MEGF11: variants seen among roughly 807,000 people sequenced by gnomAD.
MEGF11 encodes multiple EGF like domains 11.
A neutral mutation model predicts 146.6 loss-of-function variants in MEGF11; 126 were observed. That is an observed-to-expected ratio of 0.86 (90% CI 0.74 to 1.00). The LOEUF (loss-of-function observed/expected upper bound fraction) is 1.00, where lower values mean the gene tolerates loss of function less well. MEGF11 is among the 50% of genes least tolerant of loss of function. MEGF11 has a pLI of 0.00. For synonymous variants in MEGF11, 532 were observed against 583.4 expected (o/e 0.91, Z 1.27); for missense variants, 1,509 against 1,521.2 (o/e 0.99, Z 0.13).
At chr15:65,992,094 G>T (rs2082061493) in intron 5 of MEGF11, among the ~76,000 whole-genome samples, 1 of 152,226 alleles carries the variant, frequency 6.6e-6, no homozygotes, top group Non-Finnish European at 1.5e-5. Flanking sequence ...CAGCAGGGCA[G>T]GAGGGGGAAC....
At chr15:66,089,264 C>A (rs542464359) in intron 5 of MEGF11, among the ~76,000 whole-genome samples, 10 of 152,216 alleles carry the variant, frequency 6.6e-5, no homozygotes, top group African/African-American at 1.9e-4. Flanking sequence ...ACTCAGGCCT[C>A]TCTGTAGTCC....
chr15:66,086,267 C>T (rs1251949260), intron 5 of MEGF11, among the ~76,000 whole-genome samples: 1 of 152,144 alleles, frequency 6.6e-6, no homozygotes, highest in Non-Finnish European at 1.5e-5. Context: ...ACTTCCCTGG[C>T]CTTGTGAGAG....
intron 5 of MEGF11, among the ~76,000 whole-genome samples, chr15:66,071,572 C>G (rs1011373372): frequency 6.6e-6 from 1 of 152,190 alleles, no homozygotes; most frequent in African/African-American, 2.4e-5. Context: ...GTGCTCTCCC[C>G]AGAAAGGCCC....
intron 5 of MEGF11, among the ~76,000 whole-genome samples, chr15:66,058,232 G>A (rs755766673): frequency 1.3e-5 from 2 of 152,192 alleles, no homozygotes; most frequent in South Asian, 2.1e-4. Flanking sequence ...CCATATAACA[G>A]GGCAACGGCA....
intron 10 of MEGF11, among the ~76,000 whole-genome samples, chr15:65,956,043 C>A (rs1043097975): frequency 1.2e-4 from 18 of 152,112 alleles, no homozygotes; most frequent in Non-Finnish European, 1.5e-4. Context: ...CTCGCTTGAT[C>A]TACAAGAATT....
chr15:65,898,328 G>C (rs1239169908), intron 25 of MEGF11: 1 of 985,274 alleles, frequency 1.0e-6, no homozygotes, highest in African/African-American at 1.7e-5. Context: ...CTAGAGGTAG[G>C]AGTCTTACCA....
chr15:66,106,520 G>A (rs1271359444), intron 4 of MEGF11, among the ~76,000 whole-genome samples: 2 of 152,118 alleles, frequency 1.3e-5, no homozygotes, highest in Non-Finnish European at 2.9e-5. Context: ...TTCCCAATGA[G>A]GCCACAAGGA....
intron 5 of MEGF11, among the ~76,000 whole-genome samples, chr15:66,075,898 G>A (rs1259370719): frequency 6.6e-6 from 1 of 152,224 alleles, no homozygotes. Flanking sequence ...TGAAGAGGAA[G>A]AGGAACAAGA....
At chr15:66,218,979 C>CATAAAAAAAA (rs2091658583) in intron 1 of MEGF11, among the ~76,000 whole-genome samples, 1 of 86,942 alleles carries the variant, frequency 1.2e-5, no homozygotes, top group South Asian at 4.5e-4. Flanking sequence ...TATCCACAGG[C>CATAAAAAAAA]AAAAAAAAAA....
intron 7 of MEGF11, among the ~76,000 whole-genome samples, chr15:65,977,171 A>AAAAAAAAAAAAAT (rs2081479726): frequency 6.6e-6 from 1 of 151,272 alleles, no homozygotes; most frequent in African/African-American, 2.4e-5. Flanking sequence ...CGTCTCAAAA[A>AAAAAAAAAAAAAT]AAAAAGAGGA....
At chr15:66,084,212 A>G (rs1488887054) in intron 5 of MEGF11, among the ~76,000 whole-genome samples, 4 of 152,204 alleles carry the variant, frequency 2.6e-5, no homozygotes, top group Admixed American at 6.5e-5. Context: ...GCATGACGGT[A>G]TCTAATAAGT....
At chr15:66,033,056 G>A (rs1297687009) in intron 5 of MEGF11, among the ~76,000 whole-genome samples, 5 of 126,416 alleles carry the variant, frequency 4.0e-5, no homozygotes, top group Non-Finnish European at 6.2e-5. Context: ...ACTCCAGCCT[G>A]GGTGACAGAG....
chr15:65,903,942 T>C (rs2078556824), intron 24 of MEGF11, among the ~76,000 whole-genome samples: 1 of 152,214 alleles, frequency 6.6e-6, no homozygotes, highest in South Asian at 2.1e-4. Flanking sequence ...AAAGGATGAT[T>C]GTAGCCAGAG....
rs536232444 is a variant in MEGF11 at position 66,136,441 on chromosome 15, AC to A, written c.-8-8031del. Among the ~76,000 whole-genome samples, 831 of 152,242 alleles carry A rather than the reference AC, an allele frequency of 5.5e-3. 9 individuals carry two copies. The highest frequency in any genetic ancestry group is 0.013 in the South Asian group (62 of 4,820). ...ATAGACCCCCTGAGTCTGGAGATAA[AC>A]AGAAGAGCCTGGCTGTCAGCCCACA... On this transcript the variant is annotated intron_variant, in intron 1 of 25. Coordinates refer to ENST00000395614, the MANE Select transcript of MEGF11 (RefSeq NM_001385028.1).
At chr15:66,080,753 T>C (rs2140536176) in intron 5 of MEGF11, among the ~76,000 whole-genome samples, 1 of 152,344 alleles carries the variant, frequency 6.6e-6, no homozygotes, top group South Asian at 2.1e-4. Context: ...AAAAAGCATT[T>C]GCTGCTACGT....
At chr15:66,052,126 T>G (rs558348230) in intron 5 of MEGF11, among the ~76,000 whole-genome samples, 1 of 152,298 alleles carries the variant, frequency 6.6e-6, no homozygotes, top group African/African-American at 2.4e-5. Flanking sequence ...CACTTTCCCA[T>G]TAACGCTGCT....
intron 5 of MEGF11, among the ~76,000 whole-genome samples, chr15:66,051,787 G>A (rs1375049293): frequency 6.6e-6 from 1 of 152,194 alleles, no homozygotes; most frequent in Non-Finnish European, 1.5e-5. Context: ...CTCACTGGTC[G>A]ATTTCGGCAT....
intron 7 of MEGF11, among the ~76,000 whole-genome samples, chr15:65,979,344 G>A (rs1220748061): frequency 6.6e-6 from 1 of 152,156 alleles, no homozygotes; most frequent in African/African-American, 2.4e-5. Context: ...GGTCCCCAAG[G>A]TCCTTTCCTG....
intron 10 of MEGF11, among the ~76,000 whole-genome samples, chr15:65,949,907 G>C (rs2080333148): frequency 6.6e-6 from 1 of 152,204 alleles, no homozygotes; most frequent in Admixed American, 6.5e-5. Flanking sequence ...CGAGAAATCA[G>C]CCTTCTTCCC....
Sources: allele counts gnomAD v4.1 joint callset (sites outside exome capture counted in the v4.1 genomes callset), GRCh38; gene constraint gnomAD v4.1.1; transcripts MANE v1.5; gene names NCBI Gene and HGNC (gene_info 2026-07-23, HGNC 2026-07-21).